Variants in PLEKHA5 observed in about 807,000 individuals in gnomAD.
PLEKHA5 encodes the protein pleckstrin homology domain-containing family A member 5.
Under a neutral mutation model 181.9 loss-of-function variants are expected in PLEKHA5, and 55 were observed. The ratio of observed to expected loss-of-function variants is 0.30; its 90% CI spans 0.24 to 0.38. The LOEUF (loss-of-function observed/expected upper bound fraction) is 0.38, where lower values mean the gene tolerates loss of function less well. Ranked by LOEUF, PLEKHA5 falls within the 10% of genes least tolerant of loss-of-function variation. PLEKHA5 has a pLI of 1.00. For synonymous variants in PLEKHA5, 535 were observed against 529.4 expected (o/e 1.01, Z -0.15); for missense variants, 1,432 against 1,549.5 (o/e 0.92, Z 1.27).
At chr12:19,216,845 T>C (rs1172305229) in intron 3 of PLEKHA5, among the ~76,000 whole-genome samples, 1 of 152,144 alleles carries the variant, frequency 6.6e-6, no homozygotes, top group Non-Finnish European at 1.5e-5. Flanking sequence ...CTACTGATTG[T>C]CTGCCTGCTA....
intron 3 of PLEKHA5, among the ~76,000 whole-genome samples, chr12:19,146,118 C>A (rs1455873454): frequency 6.6e-6 from 1 of 152,192 alleles, no homozygotes; most frequent in African/African-American, 2.4e-5. Context: ...AGATTAATTT[C>A]TGGTTTTCCT....
chr12:19,132,291 TAA>T (rs1337271771), intron 2 of PLEKHA5, 100 bp from the exon 3 acceptor site: 2 of 697,484 alleles, frequency 2.9e-6, no homozygotes, highest in Non-Finnish European at 5.0e-6. Flanking sequence ...GTAATCTACT[TAA>T]TTAAAACAGC....
intron 3 of PLEKHA5, among the ~76,000 whole-genome samples, chr12:19,225,686 G>A (rs1477179960): frequency 6.6e-6 from 1 of 152,162 alleles, no homozygotes; most frequent in Non-Finnish European, 1.5e-5. Flanking sequence ...CTTCATAACT[G>A]TAAATTATTA....
chr12:19,299,916 C>T (rs746113098), intron 15 of PLEKHA5, among the ~76,000 whole-genome samples: 2 of 152,152 alleles, frequency 1.3e-5, no homozygotes, highest in Non-Finnish European at 1.5e-5. Context: ...TCCACCACCA[C>T]GCCACAACTT....
At chr12:19,331,717 G>A (rs2092854861) in intron 20 of PLEKHA5, among the ~76,000 whole-genome samples, 1 of 151,956 alleles carries the variant, frequency 6.6e-6, no homozygotes, top group South Asian at 2.1e-4. Context: ...CCTAAACTTA[G>A]ACAATTTTTT....
At chr12:19,184,941 G>T (rs567907047) in intron 3 of PLEKHA5, among the ~76,000 whole-genome samples, 47 of 152,300 alleles carry the variant, frequency 3.1e-4, no homozygotes, top group African/African-American at 1.1e-3. Context: ...AGAAGTGATT[G>T]TTATATAGTC....
At chr12:19,197,718 GTGTGTGTGTGTGTGTTTA>G (rs2053215129) in intron 3 of PLEKHA5, among the ~76,000 whole-genome samples, 1 of 129,786 alleles carries the variant, frequency 7.7e-6, no homozygotes, top group Non-Finnish European at 1.6e-5. Flanking sequence ...GTGTGTGTGT[GTGTGTGTGTGTGTGTTTA>G]AGTCGCCTCG....
intron 3 of PLEKHA5, among the ~76,000 whole-genome samples, chr12:19,208,393 CA>C (rs2056142274): frequency 1.6e-5 from 2 of 122,036 alleles, no homozygotes; most frequent in South Asian, 5.4e-4. Flanking sequence ...GGCAACAGAG[CA>C]AAAACTCTGT....
At chr12:19,317,505 A>C (rs575287275) in intron 16 of PLEKHA5, among the ~76,000 whole-genome samples, 16 of 152,208 alleles carry the variant, frequency 1.1e-4, no homozygotes, top group African/African-American at 2.6e-4. Flanking sequence ...ACAAATGCCT[A>C]TAGTCCTATG....
chr12:19,185,648 G>C (rs1042345162), intron 3 of PLEKHA5, among the ~76,000 whole-genome samples: 1 of 152,102 alleles, frequency 6.6e-6, no homozygotes, highest in African/African-American at 2.4e-5. Context: ...CCCTCCTTTT[G>C]TTTAAGCTAA....
chr12:19,257,326 T>A, intron 5 of PLEKHA5, 107 bp from the exon 6 acceptor site: 1 of 605,688 alleles, frequency 1.7e-6, no homozygotes, highest in South Asian at 2.5e-5. Flanking sequence ...ATTTAAGTCC[T>A]GCAAGTCTTG....
chr12:19,261,703 CTTTGGATAATGAAAGA>C (rs1341088558), intron 7 of PLEKHA5, among the ~76,000 whole-genome samples: 2 of 152,044 alleles, frequency 1.3e-5, no homozygotes, highest in Non-Finnish European at 1.5e-5. Context: ...CTACTTTAAA[CTTTGGATAATGAAAGA>C]ATTAGATTGT....
intron 3 of PLEKHA5, among the ~76,000 whole-genome samples, chr12:19,232,903 C>T (rs2060848648): frequency 6.6e-6 from 1 of 152,096 alleles, no homozygotes; most frequent in Non-Finnish European, 1.5e-5. Context: ...TGTCGATTGT[C>T]TTCCTTGGTG....
At chr12:19,186,225 G>C (rs1270209931) in intron 3 of PLEKHA5, among the ~76,000 whole-genome samples, 1 of 152,160 alleles carries the variant, frequency 6.6e-6, no homozygotes, top group Non-Finnish European at 1.5e-5. Context: ...AGAAAATGAC[G>C]ATATATAGAA....
chr12:19,306,809 A>G (rs1274846495), intron 15 of PLEKHA5: 6 of 827,188 alleles, frequency 7.3e-6, no homozygotes, highest in East Asian at 2.4e-5. Context: ...TTGTCGCACC[A>G]TGTCTGACAA....
intron 11 of PLEKHA5, among the ~76,000 whole-genome samples, chr12:19,277,730 A>AT (rs530120647): frequency 1.4e-3 from 209 of 152,326 alleles, no homozygotes; most frequent in African/African-American, 4.2e-3. Flanking sequence ...TATATAAATC[A>AT]TTTTTTAAAA....
chr12:19,301,733 C>T (rs987525944), intron 15 of PLEKHA5, among the ~76,000 whole-genome samples: 7 of 152,208 alleles, frequency 4.6e-5, no homozygotes, highest in East Asian at 3.9e-4. Context: ...CAGGAAAAAA[C>T]GTATGATAAT....
At chr12:19,353,256 C>A (rs1351449145) in intron 25 of PLEKHA5, among the ~76,000 whole-genome samples, 2 of 152,038 alleles carry the variant, frequency 1.3e-5, no homozygotes, top group African/African-American at 4.8e-5. Context: ...TGAGTTCAAG[C>A]GATTCTCCTG....
intron 24 of PLEKHA5, 130 bp downstream of exon 24, chr12:19,347,312 T>C (rs1172951224): frequency 2.3e-6 from 1 of 432,392 alleles, no homozygotes; most frequent in Non-Finnish European, 4.0e-6. Context: ...CAGCAGTTTT[T>C]AGTTTATATA....
Sources: gnomAD v4.1 joint callset for allele counts (sites outside exome capture counted in the v4.1 genomes callset) on GRCh38, gnomAD v4.1.1 for gene constraint, MANE v1.5 for transcripts, NCBI Gene and HGNC (gene_info 2026-07-23, HGNC 2026-07-21) for gene names.